Variants in ZNF518B observed in about 807,000 individuals in gnomAD.
ZNF518B encodes zinc finger protein 518B.
Under a neutral mutation model 56.3 loss-of-function variants are expected in ZNF518B, and 23 were observed. The observed-to-expected ratio is 0.41, with a 90% CI of 0.29 to 0.58. The LOEUF (loss-of-function observed/expected upper bound fraction) is 0.58, where lower values mean the gene tolerates loss of function less well. Ranked by LOEUF, ZNF518B falls within the 20% of genes least tolerant of loss-of-function variation. The pLI, the probability that ZNF518B is intolerant of heterozygous loss-of-function variation, is 0.32. For missense variants in ZNF518B, 1,460 were observed against 1,272.1 expected (o/e 1.15, Z -2.25); for synonymous variants, 529 against 465.9 (o/e 1.14, Z -1.74).
At position 10,444,421 on chromosome 4, in the gene ZNF518B, T is replaced by C. The variant is rs1714866578; in HGVS notation, c.1908A>G (p.Val636=). 1.2e-6 allele frequency: 2 copies of C among 1,614,072 alleles called. No individual in the cohort carries two copies. The highest frequency in any genetic ancestry group is 1.7e-6 in the Non-Finnish European group (2 of 1,180,042). Reference sequence around the variant, plus strand: ...TTTCAGATCCAGAGCTCAGAGAAAATACTGATGAGATGACTGGGCCATCAT... The same window carrying C: ...TTTCAGATCCAGAGCTCAGAGAAAACACTGATGAGATGACTGGGCCATCAT... ...NTNDGPVISS[V]FSLSSGSENV... The change falls in exon 3 of 3, where the codon GTA becomes GTG. Residue 636 remains valine, a synonymous_variant. Transcript: ENST00000326756.
At chr4:10,449,857 T>G (rs1577225404) in intron 2 of ZNF518B, among the ~76,000 whole-genome samples, 1 of 152,252 alleles carries the variant, frequency 6.6e-6, no homozygotes, top group African/African-American at 2.4e-5. Context: ...AGGATTCCAC[T>G]GGCTCATTTT....
At chr4:10,456,176 G>A (rs967001534) in intron 1 of ZNF518B, among the ~76,000 whole-genome samples, 6 of 151,888 alleles carry the variant, frequency 4.0e-5, no homozygotes, top group Admixed American at 6.6e-5. Flanking sequence ...TTTTAAATAG[G>A]ACATAATGCT....
rs1004052713 is a variant in ZNF518B, at chr4:10,442,375, C to A, written c.*729G>T. On this transcript the variant is annotated 3_prime_UTR_variant, in exon 3 of 3. Transcript: ENST00000326756. ...CTCTTTTTGTCTTTGCAAAAAGGTACGTTCCCTTCCCATATGTCATAAACC... is the reference window on the plus strand; with the variant it reads ...CTCTTTTTGTCTTTGCAAAAAGGTAAGTTCCCTTCCCATATGTCATAAACC... 6.6e-6 allele frequency: 1 copy of A among 152,144 alleles called. No homozygotes were observed. Among genetic ancestry groups the A allele is most frequent in the Admixed American group, 6.6e-5 (1 of 15,266 alleles). The allele number at this position is 152,144 out of a possible 1,614,324, so 9.4% of individuals were successfully genotyped here. A position where few individuals can be genotyped will look rare whatever the true frequency, so the allele number is the denominator to read the frequency against.
In ZNF518B at chr4:10,443,476, C is replaced by T. The variant is rs564453767; in HGVS notation, c.2853G>A (p.Val951=). ...QPVIVLNHPD[V]DSPEVTNVMK... is the part of the protein sequence containing the mutation. ...TCACATTGGTCACTTCTGGCGAGTC[C>T]ACATCAGGGTGGTTTAACACAATGA... The change falls in exon 3 of 3, where the codon GTG becomes GTA. Residue 951 remains valine (V), a synonymous_variant. Coordinates refer to ENST00000326756, the MANE Select transcript of ZNF518B (RefSeq NM_053042.3). 2 of 1,614,122 alleles carry T rather than the reference C, an allele frequency of 1.2e-6. No individual in the cohort carries two copies. Among genetic ancestry groups the T allele is most frequent in the African/African-American group, 2.7e-5 (2 of 75,038 alleles).
chr4:10,458,949 A>G (rs1209762077), upstream of ZNF518B, among the ~76,000 whole-genome samples: 2 of 152,186 alleles, frequency 1.3e-5, no homozygotes, highest in African/African-American at 2.4e-5. Flanking sequence ...ACTTCTACTC[A>G]TGCATCACAG....
rs766045403 is a variant in ZNF518B, at chr4:10,443,850, T to C, written c.2479A>G (p.Arg827Gly). The C allele has an allele frequency of 4.3e-6, 7 of 1,614,088 alleles. No homozygotes were observed. The South Asian group carries it at 4.4e-5, about 10-fold the overall frequency. ...RQADSDLQPL[R>G]SERGPIDMSP... is the part of the protein sequence containing the mutation. ...ATATCTATTGGCCCCCTTTCACTTC[T>C]TAAAGGCTGTAAGTCTGAGTCCGCC... The change falls in exon 3 of 3, where the codon AGA becomes GGA. Residue 827 changes from arginine (R) to glycine (G), a missense_variant. Arg to Gly is a moderately radical substitution (Grantham distance 125). Transcript: ENST00000326756.
chr4:10,444,629 G>A lies in ZNF518B; in HGVS notation c.1700C>T (p.Ser567Phe), dbSNP rs781182687. ...SKVNIPVKVVSSNRKQEDNQT... is the reference protein window; with the variant it reads ...SKVNIPVKVVFSNRKQEDNQT... Reference sequence around the variant, plus strand: ...GTTATCTTCCTGCTTCCTATTAGAGGAAACCACTTTTACAGGAATATTGAC... The same window carrying A: ...GTTATCTTCCTGCTTCCTATTAGAGAAAACCACTTTTACAGGAATATTGAC... Residue 567 changes from serine to phenylalanine, a missense_variant, in exon 3 of 3, where the codon TCC becomes TTC. Coordinates refer to ENST00000326756, the MANE Select transcript of ZNF518B (RefSeq NM_053042.3). 38 of 1,614,008 alleles carry A rather than the reference G, an allele frequency of 2.4e-5. No individual in the cohort carries two copies. The highest frequency in any genetic ancestry group is 2.9e-5 in the Non-Finnish European group (34 of 1,180,036).
At chr4:10,449,636 GTTCTCAA>G (rs1715214078) in intron 2 of ZNF518B, among the ~76,000 whole-genome samples, 1 of 152,116 alleles carries the variant, frequency 6.6e-6, no homozygotes, top group Admixed American at 6.5e-5. Flanking sequence ...CTCATCCTCA[GTTCTCAA>G]TTCTCTTCCA....
upstream of ZNF518B, among the ~76,000 whole-genome samples, chr4:10,459,283 T>G (rs1715670932): frequency 1.3e-5 from 2 of 152,122 alleles, no homozygotes; most frequent in Non-Finnish European, 2.9e-5. Context: ...GTTTACAGCC[T>G]GAAAAAGGGT....
chr4:10,443,463 C>G lies in ZNF518B; in HGVS notation c.2866G>C (p.Val956Leu), dbSNP rs1426004687. 1 of 1,614,194 alleles carries G rather than the reference C, an allele frequency of 6.2e-7. No individual in the cohort carries two copies. The highest frequency in any genetic ancestry group is 8.5e-7 in the Non-Finnish European group (1 of 1,180,040). The change falls in exon 3 of 3, where the codon GTG becomes CTG. Residue 956 changes from valine (V) to leucine (L), a missense_variant. By Grantham distance (32) the Val-to-Leu change is conservative. Transcript: ENST00000326756. The part of the protein sequence containing the change: ...LNHPDVDSPE[V>L]TNVMKVINKY... ...TTTATTACCTTCATCACATTGGTCA[C>G]TTCTGGCGAGTCCACATCAGGGTGG...
rs763471660 is a variant in ZNF518B, at chr4:10,443,598, G to A, written c.2731C>T (p.Leu911Phe). 1 of 1,614,200 alleles carries A rather than the reference G, an allele frequency of 6.2e-7. No individual in the cohort carries two copies. Among genetic ancestry groups the A allele is most frequent in the Admixed American group, 1.7e-5 (1 of 60,028 alleles). Residue 911 changes from leucine (L) to phenylalanine (F), a missense_variant, in exon 3 of 3, where the codon CTC becomes TTC. Physicochemically the swap from Leu to Phe is conservative, Grantham distance 22. Coordinates refer to ENST00000326756, the MANE Select transcript of ZNF518B (RefSeq NM_053042.3). Reference protein sequence around the residue: ...NKIQAEPSRCLKDPSIFQVAR... With the variant: ...NKIQAEPSRCFKDPSIFQVAR... The stretch of plus-strand genomic sequence containing the variant: ...ACCTGAAAAATTGAAGGATCCTTGA[G>A]ACAGCGGCTAGGTTCAGCTTGAATT...
At chr4:10,451,914 T>C (rs1457967097) in intron 2 of ZNF518B, 1 of 152,248 alleles carries the variant, frequency 6.6e-6, no homozygotes, top group Non-Finnish European at 1.5e-5. Context: ...AATGTGTTTC[T>C]GTGATAAATG....
At chr4:10,447,725 C>T (rs1715128647) in intron 2 of ZNF518B, among the ~76,000 whole-genome samples, 1 of 149,360 alleles carries the variant, frequency 6.7e-6, no homozygotes, top group Non-Finnish European at 1.5e-5. Flanking sequence ...TCTTGGCTCA[C>T]TGCAACCTCT....
chr4:10,455,664 A>T (rs1344387621), intron 1 of ZNF518B, among the ~76,000 whole-genome samples: 1 of 152,202 alleles, frequency 6.6e-6, no homozygotes, highest in Non-Finnish European at 1.5e-5. Context: ...ATCGGGTATA[A>T]TACATCAGAA....
intron 2 of ZNF518B, among the ~76,000 whole-genome samples, chr4:10,448,222 CT>C (rs1715153889): frequency 6.6e-6 from 1 of 152,046 alleles, no homozygotes; most frequent in Non-Finnish European, 1.5e-5. Context: ...TTTTTGAGTC[CT>C]TCTCCAAGTG....
Position 10,445,020 on chromosome 4 carries a change from A to G in ZNF518B, c.1309T>C (p.Ser437Pro). ...GAATTTGGCATAATAAAATCATAAGACCTTACCCATTTCACATTTTTAAGC... is the reference window on the plus strand; with the variant it reads ...GAATTTGGCATAATAAAATCATAAGGCCTTACCCATTTCACATTTTTAAGC... ...KQLKNVKWVR[S>P]YDFIMPNSSV... Residue 437 changes from serine (S) to proline (P), a missense_variant, in exon 3 of 3, where the codon TCT becomes CCT. Physicochemically the swap from Ser to Pro is moderately conservative, Grantham distance 74. Coordinates refer to ENST00000326756, the MANE Select transcript of ZNF518B (RefSeq NM_053042.3). 1 of 1,614,190 alleles carries G rather than the reference A, an allele frequency of 6.2e-7. No individual in the cohort carries two copies. Among genetic ancestry groups the G allele is most frequent in the South Asian group, 1.1e-5 (1 of 91,080 alleles).
Position 10,442,912 on chromosome 4 carries a change from G to A in ZNF518B, c.*192C>T, listed in dbSNP as rs982354493. 1 of 555,392 alleles carries A rather than the reference G, an allele frequency of 1.8e-6. No individual in the cohort carries two copies. The highest frequency in any genetic ancestry group is 2.9e-5 in the South Asian group (1 of 33,926). 34.4% of individuals were successfully genotyped at this position (555,392 alleles called of 1,614,324 possible). On this transcript the variant is annotated 3_prime_UTR_variant, in exon 3 of 3. Coordinates refer to ENST00000326756, the MANE Select transcript of ZNF518B (RefSeq NM_053042.3). ...ACCAATTTGCATGTACAATTTCAGA[G>A]CCTTCAAATACATTCTGGGGTCCAA...
At chr4:10,449,145 G>C (rs1044295901) in intron 2 of ZNF518B, among the ~76,000 whole-genome samples, 1 of 152,186 alleles carries the variant, frequency 6.6e-6, no homozygotes. Flanking sequence ...AAAGCCTAAG[G>C]AATGAAAAGG....
chr4:10,456,185 C>CT (rs1384058234), intron 1 of ZNF518B, among the ~76,000 whole-genome samples: 1 of 151,732 alleles, frequency 6.6e-6, no homozygotes, highest in East Asian at 1.9e-4. Context: ...GGACATAATG[C>CT]TCTGTAGTTT....
Sources: allele counts gnomAD v4.1 joint callset (sites outside exome capture counted in the v4.1 genomes callset), GRCh38; gene constraint gnomAD v4.1.1; transcripts MANE v1.5; gene names NCBI Gene and HGNC (gene_info 2026-07-23, HGNC 2026-07-21).